ZCCHC7: variants seen among roughly 807,000 people sequenced by gnomAD.
ZCCHC7 encodes the protein zinc finger CCHC domain-containing protein 7.
Under a neutral mutation model 52.0 loss-of-function variants are expected in ZCCHC7, and 35 were observed. The ratio of observed to expected loss-of-function variants is 0.67; its 90% CI spans 0.51 to 0.89. ZCCHC7 has a LOEUF of 0.89. Ranked by LOEUF, ZCCHC7 falls within the 40% of genes least tolerant of loss-of-function variation. The pLI is 0.00. For missense variants in ZCCHC7, 574 were observed against 649.1 expected, an observed-to-expected ratio of 0.88 and a Z score of 1.26; for synonymous variants, 217 against 221.5, an observed-to-expected ratio of 0.98 and a Z score of 0.18.
rs954380985 is a variant in ZCCHC7 at position 37,354,850 on chromosome 9, T to C, written c.1198+26T>C. 6.8e-7 allele frequency: 1 copy of C among 1,467,566 alleles called. No individual in the cohort carries two copies. The highest frequency in any genetic ancestry group is 9.5e-7 in the Non-Finnish European group (1 of 1,057,062). 90.9% of individuals were successfully genotyped at this position (1,467,566 alleles called of 1,614,324 possible). A position where few individuals can be genotyped will look rare whatever the true frequency, so the allele number is the denominator to read the frequency against. On this transcript the variant is annotated intron_variant, in intron 8 of 8. Transcript: ENST00000336755. The surrounding 1 kb of genome is among the most constrained non-coding windows in gnomAD (Gnocchi z 4.0). ...GTATGTTGCTAGACTTCTTGTTAGA[T>C]CACATTTGCAGTAGTTTCTAAATTT... is the stretch of plus-strand genomic sequence containing the variant.
intron 2 of ZCCHC7, among the ~76,000 whole-genome samples, chr9:37,149,115 C>A (rs1843569186): frequency 6.6e-6 from 1 of 152,118 alleles, no homozygotes; most frequent in Admixed American, 6.6e-5. Context: ...TAATTGATTA[C>A]TTCTGTGGTC....
intron 5 of ZCCHC7, among the ~76,000 whole-genome samples, chr9:37,325,675 C>A (rs185309013): frequency 2.8e-3 from 419 of 152,044 alleles, no homozygotes; most frequent in African/African-American, 9.3e-3. Context: ...TATATTGACA[C>A]CTAGTTTGAA....
intron 2 of ZCCHC7, among the ~76,000 whole-genome samples, chr9:37,130,575 CT>C (rs1484860277): frequency 6.6e-6 from 1 of 150,740 alleles, no homozygotes; most frequent in East Asian, 2.0e-4. Flanking sequence ...TCACTGCAAG[CT>C]GCGCCTCCCG....
intron 2 of ZCCHC7, among the ~76,000 whole-genome samples, chr9:37,259,328 ATAAT>A (rs1815968594): frequency 1.3e-5 from 2 of 152,202 alleles, no homozygotes; most frequent in Admixed American, 1.3e-4. Flanking sequence ...TAGTAAATAA[ATAAT>A]ACCTTATCAC....
intron 5 of ZCCHC7, among the ~76,000 whole-genome samples, chr9:37,324,878 AT>A (rs1306801391): frequency 6.6e-6 from 1 of 152,190 alleles, no homozygotes; most frequent in African/African-American, 2.4e-5. Flanking sequence ...GGCCTTGTCT[AT>A]TGAGCACTTG....
At chr9:37,355,147 T>C (rs902553591) in intron 8 of ZCCHC7, among the ~76,000 whole-genome samples, 1 of 152,206 alleles carries the variant, frequency 6.6e-6, no homozygotes. Flanking sequence ...TTATTTTTTT[T>C]TCCATTTGTA....
At position 37,357,194 on chromosome 9, in the gene ZCCHC7, A is replaced by G. The variant is rs769537849; in HGVS notation, c.1558A>G (p.Lys520Glu). ...PKEGKRGKQK[K>E]KERCWEDDDN... ...GGAAGGCAAGAGGGGCAAGCAGAAG[A>G]AAAAGGAGAGGTGCTGGGAAGATGA... The change falls in exon 9 of 9, where the codon AAA (lysine) becomes GAA (glutamate). Residue 520 changes from lysine (K) to glutamate (E), a missense_variant. Physicochemically the swap from Lys to Glu is moderately conservative, Grantham distance 56 (BLOSUM62 1). Transcript: ENST00000336755. 9.3e-6 allele frequency: 15 copies of G among 1,613,514 alleles called. No homozygotes were observed. Among genetic ancestry groups the G allele is most frequent in the Non-Finnish European group, 1.3e-5 (15 of 1,179,862 alleles).
At chr9:37,235,471 CTTCCTTCCTTTCT>C (rs1242888871) in intron 2 of ZCCHC7, among the ~76,000 whole-genome samples, 2 of 148,200 alleles carry the variant, frequency 1.3e-5, no homozygotes, top group Non-Finnish European at 3.0e-5. Flanking sequence ...CCTTCCTTTC[CTTCCTTCCTTTCT>C]TTCCTTCCTT....
At chr9:37,147,629 T>A (rs1843491924) in intron 2 of ZCCHC7, among the ~76,000 whole-genome samples, 1 of 151,998 alleles carries the variant, frequency 6.6e-6, no homozygotes, top group East Asian at 1.9e-4. Flanking sequence ...TTAAATTTCC[T>A]GCAGTGCACA....
At chr9:37,316,218 C>T (rs1829814457) in intron 5 of ZCCHC7, among the ~76,000 whole-genome samples, 1 of 151,956 alleles carries the variant, frequency 6.6e-6, no homozygotes, top group African/African-American at 2.4e-5. Context: ...CACTACAATG[C>T]CCAGCTGCTT....
At chr9:37,141,130 A>C (rs979113839) in intron 2 of ZCCHC7, among the ~76,000 whole-genome samples, 4 of 151,844 alleles carry the variant, frequency 2.6e-5, no homozygotes, top group African/African-American at 9.7e-5. Flanking sequence ...ATCCATACAG[A>C]TTCTCTGCCT....
At chr9:37,303,875 C>G (rs570486060) in intron 3 of ZCCHC7, among the ~76,000 whole-genome samples, 87 of 151,868 alleles carry the variant, frequency 5.7e-4, no homozygotes, top group African/African-American at 2.0e-3. Flanking sequence ...GTTGGTCAGG[C>G]TGGTTTTGAA....
chr9:37,348,348 TTCTTTC>T (rs1166334436), intron 6 of ZCCHC7, among the ~76,000 whole-genome samples: 1 of 9,294 alleles, frequency 1.1e-4, no homozygotes, highest in Admixed American at 2.4e-3. Flanking sequence ...TACCAGTTCG[TTCTTTC>T]TTTCTTTCTT....
intron 5 of ZCCHC7, among the ~76,000 whole-genome samples, chr9:37,325,523 G>A (rs1830206741): frequency 6.6e-6 from 1 of 152,136 alleles, no homozygotes; most frequent in Non-Finnish European, 1.5e-5. Context: ...TGGGTGCCAT[G>A]GCATTCTATT....
chr9:37,293,626 C>A (rs1472685101), intron 2 of ZCCHC7, among the ~76,000 whole-genome samples: 1 of 152,118 alleles, frequency 6.6e-6, no homozygotes, highest in Non-Finnish European at 1.5e-5. Flanking sequence ...GAAGAAAAAA[C>A]AACTTCCATA....
chr9:37,123,665 C>T (rs755369133), intron 1 of ZCCHC7, among the ~76,000 whole-genome samples: 2 of 152,138 alleles, frequency 1.3e-5, no homozygotes, highest in Non-Finnish European at 2.9e-5. Context: ...CTGTGCTGCA[C>T]TGGAATTATG....
intron 2 of ZCCHC7, among the ~76,000 whole-genome samples, chr9:37,143,716 A>ATTT: frequency 6.6e-6 from 1 of 151,752 alleles, no homozygotes; most frequent in African/African-American, 2.4e-5. Flanking sequence ...TTTTGTTATG[A>ATTT]TAAATATTAA....
At chr9:37,176,521 C>T (rs1483781818) in intron 2 of ZCCHC7, among the ~76,000 whole-genome samples, 1 of 151,554 alleles carries the variant, frequency 6.6e-6, no homozygotes, top group Non-Finnish European at 1.5e-5. Flanking sequence ...CTTTTGTGGT[C>T]TTCATGTTGG....
intron 2 of ZCCHC7, among the ~76,000 whole-genome samples, chr9:37,266,540 CTT>C (rs1259627538): frequency 5.3e-5 from 8 of 152,008 alleles, no homozygotes. Context: ...TTAATTGTCT[CTT>C]TATGATGCTA....
Sources: gnomAD v4.1 joint callset for allele counts (sites outside exome capture counted in the v4.1 genomes callset) on GRCh38, gnomAD v4.1.1 for gene constraint, Gnocchi (gnomAD v3.1) non-coding constraint, MANE v1.5 for transcripts, NCBI Gene and HGNC (gene_info 2026-07-23, HGNC 2026-07-21) for gene names.